Variants in PTPRK observed in about 807,000 individuals in gnomAD.
The protein encoded by PTPRK is receptor-type tyrosine-protein phosphatase kappa.
PTPRK carries 75 observed loss-of-function variants against 178.0 expected under a neutral mutation model. The observed-to-expected ratio is 0.42, with a 90% confidence interval of 0.35 to 0.51. The LOEUF (loss-of-function observed/expected upper bound fraction) is 0.51. PTPRK is among the 20% of genes least tolerant of loss of function. The probability of loss-of-function intolerance (pLI) is 0.02; values close to 1 mark genes in which losing one functional copy is unlikely to be tolerated. For missense variants in PTPRK, 1,441 were observed against 1,797.8 expected (o/e 0.80, Z 3.59); for synonymous variants, 637 against 620.6 (o/e 1.03, Z -0.39).
intron 6 of PTPRK, among the ~76,000 whole-genome samples, chr6:128,192,217 A>G (rs895561095): frequency 3.3e-5 from 5 of 152,176 alleles, no homozygotes; most frequent in African/African-American, 1.2e-4. Flanking sequence ...AGTTATAAAG[A>G]TTATTAGTTT....
At chr6:128,354,597 A>G (rs77738882) in intron 2 of PTPRK, among the ~76,000 whole-genome samples, 1,593 of 152,164 alleles carry the variant, frequency 0.01, 28 homozygotes, top group African/African-American at 0.036. Flanking sequence ...ATTTTTATTC[A>G]TGTCTTTTTT....
intron 7 of PTPRK, among the ~76,000 whole-genome samples, chr6:128,111,198 T>C (rs1221162243): frequency 1.3e-5 from 2 of 152,166 alleles, no homozygotes; most frequent in African/African-American, 4.8e-5. Context: ...AAAAATCTAT[T>C]TATCATTATA....
intron 2 of PTPRK, among the ~76,000 whole-genome samples, chr6:128,375,629 C>T (rs1010034480): frequency 2.6e-5 from 4 of 152,158 alleles, no homozygotes; most frequent in Non-Finnish European, 5.9e-5. Flanking sequence ...GCCAACCATG[C>T]TTCCCAAATA....
intron 7 of PTPRK, among the ~76,000 whole-genome samples, chr6:128,128,358 C>T (rs1419732911): frequency 6.6e-6 from 1 of 152,118 alleles, no homozygotes; most frequent in African/African-American, 2.4e-5. Context: ...ACTGCTTATA[C>T]AAGCATAGGC....
At chr6:128,474,172 A>C (rs1851081632) in intron 1 of PTPRK, among the ~76,000 whole-genome samples, 1 of 148,362 alleles carries the variant, frequency 6.7e-6, no homozygotes. Context: ...GCAGGATGGT[A>C]GGGGAAAACA....
chr6:128,168,390 T>C (rs1197521005), intron 7 of PTPRK, among the ~76,000 whole-genome samples: 1 of 152,008 alleles, frequency 6.6e-6, no homozygotes, highest in East Asian at 1.9e-4. Flanking sequence ...AGGATAACTA[T>C]CATATGACTC....
At position 128,394,573 on chromosome 6, in the gene PTPRK, T is replaced by C. The variant is rs553423740; in HGVS notation, c.223+2993A>G. ...TTTGATGACTGAGTTAAGTAGGTGT[T>C]CATAATTTCATATGATTTGGGGACA... On this transcript the variant is annotated intron_variant, in intron 2 of 29. Coordinates refer to ENST00000368226, the MANE Select transcript of PTPRK (RefSeq NM_002844.4). Among the ~76,000 whole-genome samples the C allele has an allele frequency of 5.8e-4, 89 of 152,318 alleles. 1 individual carries two copies. Among genetic ancestry groups the C allele is most frequent in the Middle Eastern group, 3.4e-3 (1 of 294 alleles).
intron 1 of PTPRK, among the ~76,000 whole-genome samples, chr6:128,442,812 CG>C (rs1562531379): frequency 6.6e-6 from 1 of 152,134 alleles, no homozygotes; most frequent in African/African-American, 2.4e-5. Context: ...ATTCATTCAC[CG>C]ATGGACCCCT....
intron 7 of PTPRK, among the ~76,000 whole-genome samples, chr6:128,152,672 T>G (rs1797435729): frequency 6.6e-6 from 1 of 151,372 alleles, no homozygotes; most frequent in African/African-American, 2.4e-5. Context: ...AACAAGGAAA[T>G]GGGTTATCCA....
At chr6:128,393,976 T>G (rs1341952977) in intron 2 of PTPRK, among the ~76,000 whole-genome samples, 1 of 152,172 alleles carries the variant, frequency 6.6e-6, no homozygotes. Context: ...ATCACCAGCA[T>G]CTGGAAGACT....
chr6:128,492,385 T>C (rs1161239923), intron 1 of PTPRK, among the ~76,000 whole-genome samples: 1 of 152,184 alleles, frequency 6.6e-6, no homozygotes, highest in East Asian at 1.9e-4. Context: ...TACTGTTACA[T>C]TGTACATATT....
chr6:128,125,564 A>G (rs1436169410), intron 7 of PTPRK, among the ~76,000 whole-genome samples: 1 of 148,526 alleles, frequency 6.7e-6, no homozygotes, highest in Non-Finnish European at 1.5e-5. Context: ...CTTTATAGCA[A>G]TGCAAGAACA....
intron 26 of PTPRK, 24 bp from the exon 27 acceptor site, chr6:127,976,806 A>G (rs759308313): frequency 1.3e-5 from 10 of 794,282 alleles, no homozygotes; most frequent in Non-Finnish European, 1.6e-5. Flanking sequence ...GTTTTGAAAG[A>G]AAAAAAAAAA....
At chr6:128,209,855 C>A (rs1002456069) in intron 6 of PTPRK, among the ~76,000 whole-genome samples, 3 of 152,030 alleles carry the variant, frequency 2.0e-5, no homozygotes, top group Non-Finnish European at 4.4e-5. Flanking sequence ...GTTTAGTGAG[C>A]AAAGGAGAGT....
At chr6:128,048,317 C>T (rs1182103880) in intron 13 of PTPRK, among the ~76,000 whole-genome samples, 1 of 152,152 alleles carries the variant, frequency 6.6e-6, no homozygotes, top group Non-Finnish European at 1.5e-5. Flanking sequence ...GTGATTCTGA[C>T]TTAAGCTTAA....
rs566831751 is a variant in PTPRK at position 128,026,103 on chromosome 6, A to AAG, written c.2195-16837_2195-16836dup. On this transcript the variant is annotated intron_variant, in intron 13 of 29. Coordinates refer to ENST00000368226, the MANE Select transcript of PTPRK (RefSeq NM_002844.4). ...GAGAATCCCAAGAGATCTAAACAGT[A>AAG]AGAGAGAGAGGCCTAAGTGATGATA... Among the ~76,000 whole-genome samples the AAG allele has an allele frequency of 4.3e-3, 654 of 152,302 alleles. 2 individuals carry two copies. Among genetic ancestry groups the AAG allele is most frequent in the Non-Finnish European group, 6.8e-3 (461 of 68,024 alleles).
At chr6:127,975,409 G>C (rs1490463205) in intron 27 of PTPRK, among the ~76,000 whole-genome samples, 1 of 152,036 alleles carries the variant, frequency 6.6e-6, no homozygotes, top group Non-Finnish European at 1.5e-5. Flanking sequence ...ACTGAAATGA[G>C]CAATAGGAGT....
At chr6:128,302,408 A>AC (rs1825773587) in intron 3 of PTPRK, among the ~76,000 whole-genome samples, 4 of 143,814 alleles carry the variant, frequency 2.8e-5, no homozygotes, top group Non-Finnish European at 5.9e-5. Context: ...AAAAAAAAAA[A>AC]AAAAAAAAAG....
intron 3 of PTPRK, among the ~76,000 whole-genome samples, chr6:128,320,688 T>C (rs1167093304): frequency 6.6e-6 from 1 of 152,110 alleles, no homozygotes; most frequent in Non-Finnish European, 1.5e-5. Flanking sequence ...AGTACAATGA[T>C]AATGCATTGT....
Sources: allele counts gnomAD v4.1 joint callset (sites outside exome capture counted in the v4.1 genomes callset), GRCh38; gene constraint gnomAD v4.1.1; transcripts MANE v1.5; gene names NCBI Gene and HGNC (gene_info 2026-07-23, HGNC 2026-07-21).